The following AZIN2 variants were observed in gnomAD, a reference collection of about 807,000 sequenced individuals.
AZIN2 encodes ODC antizyme inhibitor-2.
In AZIN2, 28 loss-of-function variants were observed where a neutral mutation model predicts 47.8. That is an observed-to-expected ratio of 0.59 (90% CI 0.43 to 0.80). AZIN2 has a LOEUF of 0.80. Among genes scored for constraint, AZIN2 ranks in the 30% least tolerant of loss-of-function variants. The pLI, the probability that AZIN2 is intolerant of heterozygous loss-of-function variation, is 0.00. For synonymous variants in AZIN2, 221 were observed against 239.4 expected (o/e 0.92, Z 0.71); for missense variants, 535 against 582.5 (o/e 0.92, Z 0.84).
At chr1:33,130,047 T>C in the AZIN2 span, among the ~76,000 whole-genome samples, 1 of 152,052 alleles carries the variant, frequency 6.6e-6, no homozygotes, top group East Asian at 1.9e-4. Context: ...TTAGTAGAGA[T>C]GGGGTTTCAC....
rs2124678931 is a variant in AZIN2, at chr1:33,120,296, C to T, written c.*114C>T. 4 of 1,424,648 alleles carry T rather than the reference C, an allele frequency of 2.8e-6. No individual in the cohort carries two copies. In the South Asian group the frequency reaches 5.4e-5, roughly 19 times the overall value. 88.3% of individuals were successfully genotyped at this position (1,424,648 alleles called of 1,614,324 possible). A position where few individuals can be genotyped will look rare whatever the true frequency, so the allele number is the denominator to read the frequency against. On this transcript the variant is annotated 3_prime_UTR_variant, in exon 12 of 12. Transcript: ENST00000294517. ...GGCCAGGACTCTGGTGCCCACCCTG[C>T]CACCCCCGCGCTCCACCTGCAGTGT...
chr1:33,091,531 C>T lies in AZIN2; in HGVS notation c.280-519C>T, dbSNP rs141272158. On this transcript the variant is annotated intron_variant, in intron 5 of 11. Coordinates refer to ENST00000294517, the MANE Select transcript of AZIN2 (RefSeq NM_052998.4). ...TTGGGGTTACAGGCGTGAGCCACTG[C>T]GCCCTGTCCTATTTTCAGTTTTTTT... Among the ~76,000 whole-genome samples the T allele has an allele frequency of 9.4e-3, 1,128 of 120,388 alleles. 9 individuals are homozygous for T. Among genetic ancestry groups the T allele is most frequent in the Admixed American group, 0.013 (139 of 10,920 alleles). 79.0% of individuals were successfully genotyped at this position (120,388 alleles called of 152,430 possible). A position where few individuals can be genotyped will look rare whatever the true frequency, so the allele number is the denominator to read the frequency against.
intron 8 of AZIN2, 76 bp from the exon 9 acceptor site, chr1:33,096,631 T>C (rs1643184590): frequency 6.4e-7 from 1 of 1,555,456 alleles, no homozygotes; most frequent in African/African-American, 1.4e-5. Context: ...AGAAATAGAC[T>C]TGGAGCTGTA....
intron 5 of AZIN2, among the ~76,000 whole-genome samples, chr1:33,087,188 C>T (rs1265421366): frequency 2.0e-5 from 3 of 150,648 alleles, no homozygotes; most frequent in Admixed American, 1.3e-4. Context: ...GGCTGGAGTG[C>T]AGTGGCGCAA....
chr1:33,161,220 T>C, the AZIN2 span, among the ~76,000 whole-genome samples: 3 of 152,186 alleles, frequency 2.0e-5, no homozygotes, highest in African/African-American at 7.2e-5. The surrounding 1 kb of genome is among the most constrained non-coding windows in gnomAD (Gnocchi z 4.3). Flanking sequence ...CCGGAAGTCT[T>C]CATTGAGAGA....
chr1:33,109,379 A>G (rs1420866646), intron 10 of AZIN2, among the ~76,000 whole-genome samples: 1 of 146,354 alleles, frequency 6.8e-6, no homozygotes, highest in Non-Finnish European at 1.5e-5. Context: ...GGCTGGATGG[A>G]GTGCAGTGGT....
chr1:33,151,725 C>T, the AZIN2 span, among the ~76,000 whole-genome samples: 3 of 152,180 alleles, frequency 2.0e-5, no homozygotes, highest in Non-Finnish European at 4.4e-5. Flanking sequence ...GTGTGTTGTC[C>T]ATTCATTTAA....
At chr1:33,156,787 A>C in the AZIN2 span, among the ~76,000 whole-genome samples, 1 of 152,152 alleles carries the variant, frequency 6.6e-6, no homozygotes, top group Admixed American at 6.5e-5. Context: ...CAAACCTTAC[A>C]GGCTTACAAC....
the AZIN2 span, among the ~76,000 whole-genome samples, chr1:33,135,582 T>C: frequency 0.03 from 4,533 of 152,312 alleles, 196 homozygotes; most frequent in African/African-American, 0.1. Flanking sequence ...TGGTCTCACA[T>C]TGGATCCTCA....
At chr1:33,147,148 C>T in the AZIN2 span, 6 of 1,603,904 alleles carry the variant, frequency 3.7e-6, 1 homozygote, top group South Asian at 5.6e-5. This position sits in a 1 kb window ranked among gnomAD's most constrained non-coding sequence, Gnocchi z 8.1. Context: ...GCAGTGGTCC[C>T]AGGAGGTTGT....
At chr1:33,088,252 C>T (rs1402436201) in intron 5 of AZIN2, among the ~76,000 whole-genome samples, 1 of 152,282 alleles carries the variant, frequency 6.6e-6, no homozygotes, top group African/African-American at 2.4e-5. Context: ...CCCCTTTCCC[C>T]GTCATGAAGG....
At chr1:33,093,490 T>C in intron 7 of AZIN2, 74 bp downstream of exon 7, 1 of 1,547,380 alleles carries the variant, frequency 6.5e-7, no homozygotes, top group Middle Eastern at 1.7e-4. Flanking sequence ...TAATTCTATA[T>C]GAGACCTTCC....
chr1:33,085,378 AT>A (rs1335508924), intron 5 of AZIN2, among the ~76,000 whole-genome samples: 1 of 152,190 alleles, frequency 6.6e-6, no homozygotes, highest in African/African-American at 2.4e-5. Context: ...GTTCACTGAG[AT>A]TTGAATACAG....
chr1:33,163,304 G>A, the AZIN2 span: 28 of 152,286 alleles, frequency 1.8e-4, no homozygotes, highest in African/African-American at 6.3e-4. Context: ...CTCCCAAAGT[G>A]CTAGGATTAC....
chr1:33,111,091 G>T (rs551808506), intron 10 of AZIN2, among the ~76,000 whole-genome samples: 10 of 152,360 alleles, frequency 6.6e-5, no homozygotes, highest in African/African-American at 2.4e-4. Flanking sequence ...GCTGCTGAGT[G>T]GGGGAGAATC....
chr1:33,095,030 C>G (rs902497640), intron 8 of AZIN2, among the ~76,000 whole-genome samples: 2 of 152,178 alleles, frequency 1.3e-5, no homozygotes, highest in African/African-American at 4.8e-5. Context: ...GCCTCTTCAC[C>G]CTAAGGTGGG....
the AZIN2 span, chr1:33,147,816 TG>T: frequency 6.8e-7 from 1 of 1,479,756 alleles, no homozygotes; most frequent in African/African-American, 1.4e-5. This position sits in a 1 kb window ranked among gnomAD's most constrained non-coding sequence, Gnocchi z 8.1. Context: ...GAGTTCTGGT[TG>T]GTACGCAGGA....
Position 33,098,199 on chromosome 1 carries a change from GC to G in AZIN2, c.1029+22del, listed in dbSNP as rs1643364418. On this transcript the variant is annotated intron_variant, in intron 10 of 11. Transcript: ENST00000294517. ...CAGAAGGTGAGCTTACCCCACGTGG[GC>G]CTGTTTTCAGTTGTGTGTGTGTATT... 1 of 1,560,002 alleles carries G rather than the reference GC, an allele frequency of 6.4e-7. No homozygotes were observed. The highest frequency in any genetic ancestry group is 1.8e-5 in the Admixed American group (1 of 55,658).
chr1:33,100,218 G>C (rs923060497), intron 10 of AZIN2, among the ~76,000 whole-genome samples: 1 of 151,992 alleles, frequency 6.6e-6, no homozygotes, highest in Non-Finnish European at 1.5e-5. Context: ...CTACTTGGGA[G>C]GCTAAGGCAG....
Sources: allele counts gnomAD v4.1 joint callset (sites outside exome capture counted in the v4.1 genomes callset), GRCh38; gene constraint gnomAD v4.1.1; non-coding constraint Gnocchi (gnomAD v3.1); transcripts MANE v1.5; gene names NCBI Gene and HGNC (gene_info 2026-07-23, HGNC 2026-07-21).